CDYL2: variants seen among roughly 807,000 people sequenced by gnomAD.
The protein encoded by CDYL2 is chromodomain Y-like protein 2.
In CDYL2, 23 loss-of-function variants were observed where a neutral mutation model predicts 49.4. The observed-to-expected ratio is 0.47, with a 90% CI of 0.34 to 0.66. The LOEUF is 0.66. Ranked by LOEUF, CDYL2 falls within the 30% of genes least tolerant of loss-of-function variation. The pLI is 0.01. For missense variants in CDYL2, 678 were observed against 656.4 expected (o/e 1.03, Z -0.36); for synonymous variants, 360 against 268.8 (o/e 1.34, Z -3.32).
intron 1 of CDYL2, among the ~76,000 whole-genome samples, chr16:80,749,086 G>A (rs939206252): frequency 2.6e-5 from 4 of 152,118 alleles, no homozygotes; most frequent in African/African-American, 9.7e-5. Flanking sequence ...GCAAAACAGA[G>A]CTAAAGAAAC....
intron 2 of CDYL2, among the ~76,000 whole-genome samples, chr16:80,653,152 G>A (rs1475796621): frequency 6.6e-6 from 1 of 152,224 alleles, no homozygotes; most frequent in Non-Finnish European, 1.5e-5. Flanking sequence ...CAATTTTTCT[G>A]TGAACCTATA....
chr16:80,743,482 C>CA (rs1352479536), intron 1 of CDYL2, among the ~76,000 whole-genome samples: 1 of 51,388 alleles, frequency 1.9e-5, no homozygotes, highest in Non-Finnish European at 1.0e-4. Flanking sequence ...AGCAGCACTT[C>CA]AACCTGGAAC....
rs760496597 is a variant in CDYL2, at chr16:80,620,896, T to C, written c.874A>G (p.Thr292Ala). ...EVRRALCNAA[T>A]DDSKLLLLSA... ...AGGAGCAGCAGTTTGCTGTCGTCTG[T>C]GGCTGCGTTGCAGAGCGCTCGCCGG... The change falls in exon 4 of 7, where the codon ACA (threonine) becomes GCA (alanine). Residue 292 changes from threonine (T) to alanine (A), a missense_variant. Around this residue, in one of 3 missense-constraint regions of CDYL2, gnomAD observed 478 missense variants for 427.0 expected, o/e 1.12. Coordinates refer to ENST00000570137, the MANE Select transcript of CDYL2 (RefSeq NM_152342.4). The C allele has an allele frequency of 2.5e-6, 4 of 1,610,512 alleles. No individual in the cohort carries two copies. The highest frequency in any genetic ancestry group is 2.2e-5 in the East Asian group (1 of 44,718).
At chr16:80,629,126 C>T (rs1055976242) in intron 3 of CDYL2, among the ~76,000 whole-genome samples, 1 of 152,170 alleles carries the variant, frequency 6.6e-6, no homozygotes, top group African/African-American at 2.4e-5. Flanking sequence ...TTCTGACTGT[C>T]AGCCAGGGTA....
In CDYL2 at chr16:80,605,984, G is replaced by A. The variant is rs183956629; in HGVS notation, c.1363-1438C>T. The stretch of plus-strand genomic sequence containing the variant: ...TGGTCTGGCTGATTCCAACAGCCAC[G>A]CTGCTGCTGCCGCCCTCTGGCAGAC... On this transcript the variant is annotated intron_variant, in intron 6 of 6. Transcript: ENST00000570137. 3.2e-4 allele frequency among the ~76,000 whole-genome samples: 48 copies of A among 152,346 alleles called. No individual in the cohort carries two copies. The East Asian group carries it at 7.5e-3, about 24-fold the overall frequency.
intron 1 of CDYL2, among the ~76,000 whole-genome samples, chr16:80,702,512 G>A (rs1031656407): frequency 6.6e-6 from 1 of 152,162 alleles, no homozygotes; most frequent in Non-Finnish European, 1.5e-5. Context: ...CACTCTGGGA[G>A]ACCAAAGCAG....
chr16:80,605,907 A>G (rs1255662401), intron 6 of CDYL2, among the ~76,000 whole-genome samples: 6 of 152,234 alleles, frequency 3.9e-5, no homozygotes, highest in Non-Finnish European at 8.8e-5. Context: ...TCCATGATGT[A>G]AAGTGGCCCA....
upstream of CDYL2, among the ~76,000 whole-genome samples, chr16:80,804,611 GC>G (rs946902469): frequency 1.4e-5 from 2 of 145,226 alleles, no homozygotes; most frequent in African/African-American, 4.9e-5. Context: ...GCGAGTCCCC[GC>G]CCCCCGGGAG....
At chr16:80,766,657 C>A (rs1906735756) in intron 1 of CDYL2, among the ~76,000 whole-genome samples, 1 of 152,160 alleles carries the variant, frequency 6.6e-6, no homozygotes, top group Admixed American at 6.5e-5. Flanking sequence ...CAGAAATTGT[C>A]TGAGATGACA....
chr16:80,619,126 G>A (rs373755518), intron 4 of CDYL2, among the ~76,000 whole-genome samples: 15 of 152,140 alleles, frequency 9.9e-5, no homozygotes, highest in Admixed American at 4.6e-4. Flanking sequence ...ATGACTCTAC[G>A]CTCTCCCTTT....
At chr16:80,759,049 A>G (rs1486665568) in intron 1 of CDYL2, among the ~76,000 whole-genome samples, 1 of 146,876 alleles carries the variant, frequency 6.8e-6, no homozygotes, top group African/African-American at 2.5e-5. Context: ...ACTAAGACAT[A>G]TGACCCCATA....
intron 4 of CDYL2, among the ~76,000 whole-genome samples, chr16:80,614,581 C>G (rs1270099429): frequency 6.6e-6 from 1 of 152,118 alleles, no homozygotes; most frequent in Non-Finnish European, 1.5e-5. Flanking sequence ...ATACAAAAGT[C>G]GAGGCTGGGC....
At chr16:80,704,583 G>C (rs1032466808) in intron 1 of CDYL2, among the ~76,000 whole-genome samples, 1 of 152,242 alleles carries the variant, frequency 6.6e-6, no homozygotes, top group African/African-American at 2.4e-5. Context: ...TGTGTACAAG[G>C]TAGCCAACCT....
chr16:80,673,239 G>A (rs1193071928), intron 2 of CDYL2, among the ~76,000 whole-genome samples: 1 of 152,128 alleles, frequency 6.6e-6, no homozygotes, highest in East Asian at 1.9e-4. Flanking sequence ...AGAATCGTTT[G>A]GACCCGGGAG....
At chr16:80,759,073 G>A (rs1461172951) in intron 1 of CDYL2, among the ~76,000 whole-genome samples, 1 of 119,810 alleles carries the variant, frequency 8.3e-6, no homozygotes, top group Non-Finnish European at 1.6e-5. Flanking sequence ...ACATACCTGG[G>A]TATAAATGTA....
chr16:80,804,086 CCCG>C (rs1190581461), intron 1 of CDYL2, 61 bp downstream of exon 1: 249 of 965,248 alleles, frequency 2.6e-4, no homozygotes, highest in East Asian at 4.8e-4. Context: ...GTCCCCGCCG[CCCG>C]CCGCCGCCGC....
chr16:80,645,120 A>G (rs1268615121), intron 2 of CDYL2, among the ~76,000 whole-genome samples: 2 of 152,342 alleles, frequency 1.3e-5, no homozygotes, highest in Middle Eastern at 3.4e-3. Context: ...AATGGCAACA[A>G]AAGCCAAAAT....
chr16:80,655,014 C>A (rs1908744710), intron 2 of CDYL2, among the ~76,000 whole-genome samples: 1 of 152,200 alleles, frequency 6.6e-6, no homozygotes, highest in South Asian at 2.1e-4. Flanking sequence ...AGATCCAGGG[C>A]ACGGTCCCGT....
intron 2 of CDYL2, among the ~76,000 whole-genome samples, chr16:80,646,722 G>C (rs1308957048): frequency 6.6e-6 from 1 of 152,182 alleles, no homozygotes; most frequent in African/African-American, 2.4e-5. Flanking sequence ...CAGGGAGTCA[G>C]AGGTTGCAGT....
Sources: gnomAD v4.1 joint callset for allele counts (sites outside exome capture counted in the v4.1 genomes callset) on GRCh38, gnomAD v4.1.1 for gene constraint, gnomAD v4.1.1 regional missense constraint, MANE v1.5 for transcripts, NCBI Gene and HGNC (gene_info 2026-07-23, HGNC 2026-07-21) for gene names.